SUGCT: variants seen among roughly 807,000 people sequenced by gnomAD.
The protein encoded by SUGCT is succinyl-CoA:glutarate CoA-transferase.
SUGCT carries 41 observed loss-of-function variants against 55.0 expected under a neutral mutation model. The ratio of observed to expected loss-of-function variants is 0.74; its 90% CI spans 0.58 to 0.97. The LOEUF is 0.97. SUGCT is among the 50% of genes least tolerant of loss of function. The pLI, the probability that SUGCT is intolerant of heterozygous loss-of-function variation, is 0.00. For synonymous variants in SUGCT, 187 were observed against 200.4 expected, an observed-to-expected ratio of 0.93 and a Z score of 0.56; for missense variants, 568 against 547.8, an observed-to-expected ratio of 1.04 and a Z score of -0.37.
chr7:40,976,550 T>A, the SUGCT span, among the ~76,000 whole-genome samples: 1 of 152,232 alleles, frequency 6.6e-6, no homozygotes, highest in Non-Finnish European at 1.5e-5. Context: ...CTGAATGTGA[T>A]CTCATGCACA....
intron 11 of SUGCT, 96 bp downstream of exon 11, chr7:40,459,294 C>T (rs1789662872): frequency 1.3e-6 from 1 of 780,934 alleles, no homozygotes; most frequent in Non-Finnish European, 2.0e-6. Flanking sequence ...TATTTGAGAT[C>T]AATTTGTAAT....
chr7:40,245,302 G>T (rs1057265460), intron 7 of SUGCT, among the ~76,000 whole-genome samples: 2 of 147,158 alleles, frequency 1.4e-5, no homozygotes, highest in East Asian at 4.0e-4. Flanking sequence ...CAAGTGATCC[G>T]CCTGCTTTGG....
chr7:40,636,467 T>A (rs73310222), intron 12 of SUGCT, among the ~76,000 whole-genome samples: 2 of 152,118 alleles, frequency 1.3e-5, no homozygotes, highest in African/African-American at 2.4e-5. Context: ...TAGGAATGTG[T>A]CACTAAGGTA....
At chr7:40,875,221 T>C in the SUGCT span, among the ~76,000 whole-genome samples, 6,747 of 152,316 alleles carry the variant, frequency 0.044, 475 homozygotes, top group African/African-American at 0.15. Context: ...TAAGTTAGTG[T>C]TCAGGAAATA....
intron 11 of SUGCT, among the ~76,000 whole-genome samples, chr7:40,491,416 G>A (rs570478136): frequency 7.0e-4 from 107 of 152,298 alleles, no homozygotes; most frequent in African/African-American, 2.4e-3. Flanking sequence ...GTTTAGCCAA[G>A]GGTGTGAGTT....
chr7:40,763,982 G>T (rs193096409), intron 13 of SUGCT, among the ~76,000 whole-genome samples: 1 of 152,222 alleles, frequency 6.6e-6, no homozygotes, highest in Admixed American at 6.5e-5. Context: ...TGTTGCAACA[G>T]CAGGCCTAGG....
chr7:40,435,348 T>C (rs1788114948), intron 9 of SUGCT, among the ~76,000 whole-genome samples: 1 of 152,162 alleles, frequency 6.6e-6, no homozygotes, highest in Admixed American at 6.5e-5. Context: ...GAAGGAAGTT[T>C]GGGGAATCTA....
At chr7:40,621,433 G>C (rs1376465724) in intron 12 of SUGCT, among the ~76,000 whole-genome samples, 1 of 152,164 alleles carries the variant, frequency 6.6e-6, no homozygotes, top group East Asian at 1.9e-4. Flanking sequence ...AGGCTTGAAC[G>C]CACAAAGTCT....
chr7:40,227,232 AG>A (rs1788430588), intron 6 of SUGCT, among the ~76,000 whole-genome samples: 1 of 151,634 alleles, frequency 6.6e-6, no homozygotes, highest in South Asian at 2.1e-4. Context: ...TATTTTCAGT[AG>A]GGATGGGATT....
intron 9 of SUGCT, among the ~76,000 whole-genome samples, chr7:40,364,381 C>T (rs1205462198): frequency 2.0e-5 from 3 of 151,582 alleles, no homozygotes; most frequent in Non-Finnish European, 2.9e-5. Context: ...TTATTTTGCT[C>T]GTTAGTTGAT....
chr7:40,181,172 A>G (rs1785181786), intron 2 of SUGCT, among the ~76,000 whole-genome samples, 174 bp downstream of exon 2: 1 of 152,182 alleles, frequency 6.6e-6, no homozygotes, highest in Non-Finnish European at 1.5e-5. Context: ...TTAGTGTAGT[A>G]TTTATGCCTT....
chr7:40,637,726 T>A (rs1800083642), intron 12 of SUGCT, among the ~76,000 whole-genome samples: 1 of 152,226 alleles, frequency 6.6e-6, no homozygotes, highest in Non-Finnish European at 1.5e-5. Flanking sequence ...GTTTCTTAGT[T>A]TTATAAAAGT....
At chr7:40,979,836 C>CG in the SUGCT span, 29 of 152,102 alleles carry the variant, frequency 1.9e-4, no homozygotes, top group Middle Eastern at 6.8e-3. Flanking sequence ...GAAGTCTTTG[C>CG]GGGGAAAAGG....
At chr7:40,895,057 AC>A in the SUGCT span, among the ~76,000 whole-genome samples, 12 of 152,200 alleles carry the variant, frequency 7.9e-5, no homozygotes, top group Non-Finnish European at 1.8e-4. Context: ...CATTAAATCA[AC>A]CTAGATGCCC....
At chr7:40,524,801 C>A (rs1269118040) in intron 12 of SUGCT, among the ~76,000 whole-genome samples, 2 of 152,106 alleles carry the variant, frequency 1.3e-5, no homozygotes, top group Non-Finnish European at 1.5e-5. Flanking sequence ...AGTTGGAGGG[C>A]TGTTTCATAA....
the SUGCT span, among the ~76,000 whole-genome samples, chr7:40,946,634 G>A: frequency 6.6e-6 from 1 of 152,140 alleles, no homozygotes; most frequent in Non-Finnish European, 1.5e-5. Context: ...GTTTGCTAGT[G>A]ACACATTCTC....
At chr7:40,388,409 G>A (rs1785237323) in intron 9 of SUGCT, among the ~76,000 whole-genome samples, 1 of 152,010 alleles carries the variant, frequency 6.6e-6, no homozygotes, top group Admixed American at 6.6e-5. Context: ...ACAGAAATCA[G>A]AGCATTTATT....
intron 10 of SUGCT, among the ~76,000 whole-genome samples, chr7:40,452,751 C>T (rs1359281698): frequency 6.6e-6 from 1 of 152,122 alleles, no homozygotes; most frequent in Non-Finnish European, 1.5e-5. Context: ...TGCTCATGTG[C>T]ACTTAATAAA....
chr7:40,317,764 A>G (rs374645189), intron 9 of SUGCT, among the ~76,000 whole-genome samples: 1 of 152,182 alleles, frequency 6.6e-6, no homozygotes, highest in Non-Finnish European at 1.5e-5. Context: ...TCCTTGGGCA[A>G]AACTAGTTTC....
Sources: allele counts gnomAD v4.1 joint callset (sites outside exome capture counted in the v4.1 genomes callset), GRCh38; gene constraint gnomAD v4.1.1; transcripts MANE v1.5; gene names NCBI Gene and HGNC (gene_info 2026-07-23, HGNC 2026-07-21).